Variants in MYH8 observed in about 807,000 individuals in gnomAD.
MYH8 encodes the protein myosin heavy chain 8, also known as myosin-8.
In MYH8, 168 loss-of-function variants were observed where a neutral mutation model predicts 233.2. That is an observed-to-expected ratio of 0.72 (90% CI 0.64 to 0.82). The LOEUF is 0.82. MYH8 is among the 40% of genes least tolerant of loss of function. The pLI, the probability that MYH8 is intolerant of heterozygous loss-of-function variation, is 0.00. For missense variants in MYH8, 1,995 were observed against 2,327.8 expected (o/e 0.86, Z 2.94); for synonymous variants, 785 against 850.6 (o/e 0.92, Z 1.34).
chr17:10,400,462 C>T lies in MYH8; in HGVS notation c.3663G>A (p.Glu1221=), dbSNP rs965190490. 1 of 1,614,070 alleles carries T rather than the reference C, an allele frequency of 6.2e-7. No homozygotes were observed. The change falls in exon 27 of 40, where the codon GAG becomes GAA. Residue 1221 remains glutamate (E), a synonymous_variant. Transcript: ENST00000403437. The surrounding 1 kb of genome is among the most constrained non-coding windows in gnomAD (Gnocchi z 4.0). ...CCATCTTCAGCTCACTCTTCTCCTT[C>T]TCCAGCTTCTGTTTGACCCGCTGCA... The part of the protein sequence containing the change: ...DNLQRVKQKL[E]KEKSELKMET...
chr17:10,396,525 T>A lies in MYH8; in HGVS notation c.4528+28A>T, dbSNP rs1248245700. 1 of 1,613,928 alleles carries A rather than the reference T, an allele frequency of 6.2e-7. No homozygotes were observed. Among genetic ancestry groups the A allele is most frequent in the South Asian group, 1.1e-5 (1 of 91,034 alleles). On this transcript the variant is annotated intron_variant, in intron 32 of 39. Transcript: ENST00000403437. The surrounding 1 kb of genome is among the most constrained non-coding windows in gnomAD (Gnocchi z 4.2). ...ATGGAAAGGTCCTCCCAGGGATATA[T>A]GGAGTAGGGAGGACTGTGAGGACTC...
At chr17:10,391,567 C>A (rs767620674) in intron 39 of MYH8, among the ~76,000 whole-genome samples, 5 of 152,030 alleles carry the variant, frequency 3.3e-5, no homozygotes, top group Non-Finnish European at 5.9e-5. Flanking sequence ...GTTGTCCCAG[C>A]TACTGGAGAG....
At chr17:10,405,056 C>A (rs931673098) in intron 21 of MYH8, among the ~76,000 whole-genome samples, 22 of 152,164 alleles carry the variant, frequency 1.4e-4, no homozygotes, top group African/African-American at 5.3e-4. Context: ...CCCACCTAAA[C>A]TGAGCGAATG....
chr17:10,412,108 G>A (rs996337373), intron 14 of MYH8, among the ~76,000 whole-genome samples: 1 of 152,108 alleles, frequency 6.6e-6, no homozygotes, highest in Non-Finnish European at 1.5e-5. Context: ...ATAAGTTGGG[G>A]GAATATTAGC....
intron 15 of MYH8, among the ~76,000 whole-genome samples, chr17:10,410,129 C>G (rs2072231529): frequency 6.6e-6 from 1 of 152,102 alleles, no homozygotes; most frequent in Non-Finnish European, 1.5e-5. Flanking sequence ...CATGGCAAAA[C>G]ACCGTCTGTA....
intron 18 of MYH8, 35 bp from the exon 19 acceptor site, chr17:10,406,842 T>C: frequency 6.2e-7 from 1 of 1,613,278 alleles, no homozygotes. Flanking sequence ...TAGTGGGCAT[T>C]TAACTTTCAA....
intron 39 of MYH8, among the ~76,000 whole-genome samples, chr17:10,390,855 A>G (rs988025160): frequency 6.6e-6 from 1 of 152,210 alleles, no homozygotes; most frequent in African/African-American, 2.4e-5. Context: ...TTCTGTGTGG[A>G]AAGGAGGAAG....
Position 10,415,792 on chromosome 17 carries a change from G to A in MYH8, c.512-84C>T, listed in dbSNP as rs754187775. 99 of 1,463,028 alleles carry A rather than the reference G, an allele frequency of 6.8e-5. No individual in the cohort carries two copies. The highest frequency in any genetic ancestry group is 8.0e-5 in the Non-Finnish European group (85 of 1,065,814). 90.6% of individuals were successfully genotyped at this position (1,463,028 alleles called of 1,614,324 possible). On this transcript the variant is annotated intron_variant, in intron 5 of 39. Coordinates refer to ENST00000403437, the MANE Select transcript of MYH8 (RefSeq NM_002472.3). This position sits in a 1 kb window ranked among gnomAD's most constrained non-coding sequence, Gnocchi z 4.1. The stretch of plus-strand genomic sequence containing the variant: ...AATCAGTTCAGATCAAACACAGCTT[G>A]TTCTTTTTAACTTTTTGAAGATGTC...
At position 10,398,818 on chromosome 17, in the gene MYH8, A is replaced by T; in HGVS notation, c.3931T>A (p.Ser1311Thr). 16 of 1,613,972 alleles carry T rather than the reference A, an allele frequency of 9.9e-6. No homozygotes were observed. The South Asian group carries it at 1.8e-4, about 18-fold the overall frequency. ...VSQLSRSKQASTQQIEELKHQ... is the reference protein window; with the variant it reads ...VSQLSRSKQATTQQIEELKHQ... ...TTCAGCTCTTCAATCTGCTGAGTAG[A>T]TGCTTGCTTGCTCCTTGAAAGCTGA... Residue 1311 changes from serine (S) to threonine (T), a missense_variant, in exon 29 of 40, where the codon TCT becomes ACT. Physicochemically the swap from Ser to Thr is moderately conservative, Grantham distance 58. Coordinates refer to ENST00000403437, the MANE Select transcript of MYH8 (RefSeq NM_002472.3).
At chr17:10,393,278 T>C in intron 35 of MYH8, 68 bp from the exon 36 acceptor site, 1 of 1,589,434 alleles carries the variant, frequency 6.3e-7, no homozygotes, top group Non-Finnish European at 8.6e-7. Context: ...ACAAGTGTCT[T>C]ACTTGTTGGT....
At chr17:10,394,159 AC>A (rs1477484606) in intron 35 of MYH8, 89 bp downstream of exon 35, 2 of 1,515,448 alleles carry the variant, frequency 1.3e-6, no homozygotes, top group Non-Finnish European at 1.8e-6. Context: ...GTTTACATAC[AC>A]ATATTTATAC....
chr17:10,411,420 G>T (rs2072243827), intron 14 of MYH8, among the ~76,000 whole-genome samples: 1 of 151,714 alleles, frequency 6.6e-6, no homozygotes, highest in Non-Finnish European at 1.5e-5. Flanking sequence ...CCTTTCTCAT[G>T]AATCCCAGGC....
rs751204094 is a variant in MYH8 at position 10,396,938 on chromosome 17, A to G, written c.4227T>C (p.Ala1409=). ...RLQEAEEHVE[A]VNAKCASLEK... Reference sequence around the variant, plus strand: ...CAAGGGAAGCACATTTGGCGTTCACAGCTTCTACATGTTCCTCAGCTTCTT... The same window carrying G: ...CAAGGGAAGCACATTTGGCGTTCACGGCTTCTACATGTTCCTCAGCTTCTT... Residue 1409 remains alanine, a synonymous_variant, in exon 31 of 40, where the codon GCT becomes GCC. Transcript: ENST00000403437. This position sits in a 1 kb window ranked among gnomAD's most constrained non-coding sequence, Gnocchi z 4.2. 1.2e-6 allele frequency: 2 copies of G among 1,614,240 alleles called. No homozygotes were observed. The highest frequency in any genetic ancestry group is 1.1e-5 in the South Asian group (1 of 91,086).
intron 35 of MYH8, 98 bp from the exon 36 acceptor site, chr17:10,393,308 G>A: frequency 2.8e-6 from 4 of 1,451,398 alleles, no homozygotes; most frequent in Non-Finnish European, 3.9e-6. Context: ...GGATCTGCTG[G>A]CAACATTTCA....
intron 39 of MYH8, 34 bp downstream of exon 39, chr17:10,391,848 T>G: frequency 6.5e-7 from 1 of 1,546,972 alleles, no homozygotes; most frequent in Non-Finnish European, 8.9e-7. Context: ...CAAAAGAAAT[T>G]TCCTTCTTTC....
chr17:10,394,982 T>C lies in MYH8; in HGVS notation c.4962+151A>G, dbSNP rs1226080847. ...CTACATAACATTTTCTTAAAAATAA[T>C]ATGTTCTATGTGTATTTAATTCAGT... On this transcript the variant is annotated intron_variant, in intron 34 of 39. Transcript: ENST00000403437. 7.3e-6 allele frequency: 6 copies of C among 823,274 alleles called. No homozygotes were observed. The African/African-American group carries it at 1.0e-4, about 14-fold the overall frequency. 51.0% of individuals were successfully genotyped at this position (823,274 alleles called of 1,614,324 possible).
At chr17:10,404,867 C>T (rs1241692071) in intron 21 of MYH8, among the ~76,000 whole-genome samples, 2 of 152,002 alleles carry the variant, frequency 1.3e-5, no homozygotes, top group African/African-American at 4.8e-5. Flanking sequence ...CCCTATCAAA[C>T]TAGCCAAGAG....
chr17:10,394,564 G>T, intron 34 of MYH8, 112 bp from the exon 35 acceptor site: 1 of 1,311,272 alleles, frequency 7.6e-7, no homozygotes, highest in Non-Finnish European at 1.1e-6. Flanking sequence ...ACATATGCCT[G>T]TCATTTGAAT....
At chr17:10,420,335 A>G in intron 2 of MYH8, 78 bp from the exon 3 acceptor site, 1 of 1,271,394 alleles carries the variant, frequency 7.9e-7, no homozygotes, top group South Asian at 1.3e-5. Flanking sequence ...AAATGAAAGA[A>G]ATGTTGAACA....
Sources: allele counts gnomAD v4.1 joint callset (sites outside exome capture counted in the v4.1 genomes callset), GRCh38; gene constraint gnomAD v4.1.1; non-coding constraint Gnocchi (gnomAD v3.1); transcripts MANE v1.5; gene names NCBI Gene and HGNC (gene_info 2026-07-23, HGNC 2026-07-21).